The following RAB2A variants were observed in gnomAD, a reference collection of about 807,000 sequenced individuals.
RAB2A encodes the protein RAB2A, member RAS oncogene family, also known as ras-related protein Rab-2A.
A neutral mutation model predicts 32.5 loss-of-function variants in RAB2A; 7 were observed. That is an observed-to-expected ratio of 0.22 (90% CI 0.12 to 0.40). The LOEUF (loss-of-function observed/expected upper bound fraction) is 0.40. Among genes scored for constraint, RAB2A ranks in the 10% least tolerant of loss-of-function variants. The pLI, the probability that RAB2A is intolerant of heterozygous loss-of-function variation, is 1.00. For synonymous variants in RAB2A, 79 were observed against 85.2 expected (o/e 0.93, Z 0.40); for missense variants, 108 against 260.7 (o/e 0.41, Z 4.03).
chr8:60,543,185 A>G (rs1563463810), intron 1 of RAB2A, among the ~76,000 whole-genome samples: 1 of 152,206 alleles, frequency 6.6e-6, no homozygotes, highest in Non-Finnish European at 1.5e-5. Context: ...GGCCACTGTG[A>G]CAGCTTACGA....
intron 6 of RAB2A, among the ~76,000 whole-genome samples, chr8:60,601,175 G>A (rs1476347461): frequency 1.5e-5 from 2 of 132,314 alleles, no homozygotes; most frequent in African/African-American, 6.3e-5. Context: ...GGTATTTTAT[G>A]AATTCTTGAA....
chr8:60,542,671 T>TAAAGTA (rs1190573820), intron 1 of RAB2A, among the ~76,000 whole-genome samples: 5 of 152,246 alleles, frequency 3.3e-5, no homozygotes, highest in African/African-American at 9.6e-5. Context: ...TTGGGGGTAC[T>TAAAGTA]TTAATATTGT....
At chr8:60,577,646 C>T (rs937499692) in intron 3 of RAB2A, among the ~76,000 whole-genome samples, 4 of 150,782 alleles carry the variant, frequency 2.7e-5, no homozygotes, top group Admixed American at 6.6e-5. Context: ...TTTTTTGAGA[C>T]GGAGTCTCGC....
At chr8:60,591,624 A>C in intron 5 of RAB2A, 1 of 336,294 alleles carries the variant, frequency 3.0e-6, no homozygotes, top group Non-Finnish European at 5.6e-6. Flanking sequence ...GCTAGTTCTA[A>C]CGTTCTAAAG....
rs376007581 is a variant in RAB2A, at chr8:60,568,774, T to C, written c.119-3272T>C. ...CGACAATGTCAGGTAAATGAGGTCT[T>C]GACTTTGACTCCACAGAAATTTATC... On this transcript the variant is annotated intron_variant, in intron 2 of 7. Coordinates refer to ENST00000262646, the MANE Select transcript of RAB2A (RefSeq NM_002865.3). 3.3e-4 allele frequency among the ~76,000 whole-genome samples: 50 copies of C among 152,326 alleles called. 1 individual carries two copies. Among genetic ancestry groups the C allele is most frequent in the African/African-American group, 1.2e-3 (49 of 41,570 alleles).
rs1804557752 is a variant in RAB2A, at chr8:60,623,232, A to G, written c.*2463A>G. 6.6e-6 allele frequency: 1 copy of G among 152,274 alleles called. No homozygotes were observed. Among genetic ancestry groups the G allele is most frequent in the Non-Finnish European group, 1.5e-5 (1 of 68,054 alleles). 9.4% of individuals were successfully genotyped at this position (152,274 alleles called of 1,614,324 possible). A position where few individuals can be genotyped will look rare whatever the true frequency, so the allele number is the denominator to read the frequency against. Reference sequence around the variant, plus strand: ...TAGATATACAACTGAAACAGGATATACAACTGCATACAATTTGTTTTTAAT... The same window carrying G: ...TAGATATACAACTGAAACAGGATATGCAACTGCATACAATTTGTTTTTAAT... On this transcript the variant is annotated 3_prime_UTR_variant, in exon 8 of 8. Coordinates refer to ENST00000262646, the MANE Select transcript of RAB2A (RefSeq NM_002865.3).
Position 60,609,579 on chromosome 8 carries a change from C to T in RAB2A, c.475-9001C>T, listed in dbSNP as rs142160245. On this transcript the variant is annotated intron_variant, in intron 6 of 7. Transcript: ENST00000262646. ...GTTCTTCTTCCTTCAGTCTTTCATT[C>T]TGGTTATGCTTTGGTCCCATTTGTT... 9.2e-4 allele frequency among the ~76,000 whole-genome samples: 140 copies of T among 152,282 alleles called. 1 individual carries two copies. The South Asian group carries it at 0.012, about 13-fold the overall frequency.
chr8:60,548,801 G>C (rs1586075663), intron 1 of RAB2A, among the ~76,000 whole-genome samples: 1 of 149,570 alleles, frequency 6.7e-6, no homozygotes, highest in African/African-American at 2.5e-5. Flanking sequence ...AGACGGGGCG[G>C]CTGGCCGGGC....
chr8:60,547,945 T>G (rs1370068734), intron 1 of RAB2A, among the ~76,000 whole-genome samples: 3 of 53,994 alleles, frequency 5.6e-5, no homozygotes, highest in Non-Finnish European at 1.0e-4. Flanking sequence ...CACTTCCCAG[T>G]AGGGGCGGCC....
At chr8:60,618,716 T>G (rs1479731242) in intron 7 of RAB2A, 68 bp downstream of exon 7, 2 of 557,122 alleles carry the variant, frequency 3.6e-6, no homozygotes, top group Non-Finnish European at 5.0e-6. Context: ...ATTTTATATT[T>G]TTTATTTTAT....
intron 6 of RAB2A, among the ~76,000 whole-genome samples, chr8:60,613,370 C>T (rs1228217282): frequency 2.0e-5 from 3 of 152,176 alleles, no homozygotes; most frequent in Admixed American, 1.3e-4. Context: ...GTTTTCAGTG[C>T]TTTACATTAA....
intron 1 of RAB2A, among the ~76,000 whole-genome samples, chr8:60,529,274 G>A (rs1015530109): frequency 8.5e-5 from 13 of 152,174 alleles, no homozygotes; most frequent in Admixed American, 3.3e-4. Flanking sequence ...ATTCTTGTGT[G>A]TGTAGTGAGT....
At chr8:60,530,347 C>A (rs1245259516) in intron 1 of RAB2A, among the ~76,000 whole-genome samples, 1 of 151,852 alleles carries the variant, frequency 6.6e-6, no homozygotes, top group African/African-American at 2.4e-5. Flanking sequence ...GGTTTCAGCG[C>A]GTTGGCCAGG....
intron 6 of RAB2A, among the ~76,000 whole-genome samples, chr8:60,617,694 G>A (rs546595795): frequency 3.3e-4 from 50 of 152,208 alleles, no homozygotes; most frequent in African/African-American, 1.2e-3. Flanking sequence ...GCAGTGAACC[G>A]AGATTGCGCC....
chr8:60,593,094 A>C (rs1449745787), intron 6 of RAB2A, among the ~76,000 whole-genome samples: 1 of 152,240 alleles, frequency 6.6e-6, no homozygotes, highest in Non-Finnish European at 1.5e-5. Context: ...TGACTACAGT[A>C]ATTCTACAGC....
chr8:60,534,086 A>G (rs1428001378), intron 1 of RAB2A, among the ~76,000 whole-genome samples: 1 of 152,218 alleles, frequency 6.6e-6, no homozygotes, highest in East Asian at 1.9e-4. Flanking sequence ...ATTTGCCACA[A>G]TAACTATAAG....
intron 2 of RAB2A, among the ~76,000 whole-genome samples, chr8:60,560,661 C>T (rs1361443851): frequency 6.6e-6 from 1 of 152,120 alleles, no homozygotes; most frequent in Non-Finnish European, 1.5e-5. Flanking sequence ...AACCTGCATG[C>T]AGCCCAGGAC....
At chr8:60,529,673 TTATC>T (rs753599712) in intron 1 of RAB2A, among the ~76,000 whole-genome samples, 2 of 152,224 alleles carry the variant, frequency 1.3e-5, no homozygotes, top group East Asian at 1.9e-4. Flanking sequence ...CTTTGGGGGT[TTATC>T]TATATTAATA....
At chr8:60,543,721 G>T (rs940061617) in intron 1 of RAB2A, among the ~76,000 whole-genome samples, 1 of 152,064 alleles carries the variant, frequency 6.6e-6, no homozygotes, top group African/African-American at 2.4e-5. Flanking sequence ...AATGTACGGC[G>T]AACCAACAGC....
Sources: allele counts gnomAD v4.1 joint callset (sites outside exome capture counted in the v4.1 genomes callset), GRCh38; gene constraint gnomAD v4.1.1; transcripts MANE v1.5; gene names NCBI Gene and HGNC (gene_info 2026-07-23, HGNC 2026-07-21).